Variants in TBX5 observed in about 807,000 individuals in gnomAD.
TBX5 encodes T-box transcription factor 5, also known as T-box transcription factor TBX5.
Under a neutral mutation model 51.1 loss-of-function variants are expected in TBX5, and 8 were observed. The observed-to-expected ratio is 0.16, with a 90% CI of 0.09 to 0.28. TBX5 has a LOEUF of 0.28. Among genes scored for constraint, TBX5 ranks in the 10% least tolerant of loss-of-function variants. The pLI, the probability that TBX5 is intolerant of heterozygous loss-of-function variation, is 1.00. For synonymous variants in TBX5, 302 were observed against 266.4 expected, an observed-to-expected ratio of 1.13 and a Z score of -1.30; for missense variants, 589 against 671.7, an observed-to-expected ratio of 0.88 and a Z score of 1.36.
At chr12:114,376,685 A>G (rs1363699732) in intron 7 of TBX5, among the ~76,000 whole-genome samples, 1 of 151,022 alleles carries the variant, frequency 6.6e-6, no homozygotes, top group African/African-American at 2.4e-5. Flanking sequence ...TATACACAAG[A>G]AAATAAAATG....
intron 6 of TBX5, among the ~76,000 whole-genome samples, chr12:114,394,356 T>C (rs1871306826): frequency 6.6e-6 from 1 of 151,998 alleles, no homozygotes; most frequent in African/African-American, 2.4e-5. Context: ...AGGAGAAAAC[T>C]GACCCCAGCA....
At chr12:114,404,057 A>T (rs1225400162) in intron 1 of TBX5, 121 bp from the exon 2 acceptor site, 21 of 1,021,418 alleles carry the variant, frequency 2.1e-5, no homozygotes, top group Non-Finnish European at 2.9e-5. Flanking sequence ...TCCAGCTACC[A>T]GCACCTCCGT....
chr12:114,406,381 C>G (rs1471381465), upstream of TBX5, among the ~76,000 whole-genome samples: 1 of 152,066 alleles, frequency 6.6e-6, no homozygotes, highest in Non-Finnish European at 1.5e-5. Flanking sequence ...AACTCCTGCA[C>G]AAATCATTTC....
At chr12:114,401,950 C>T in intron 2 of TBX5, 30 bp from the exon 3 acceptor site, 1 of 1,599,144 alleles carries the variant, frequency 6.3e-7, no homozygotes, top group Non-Finnish European at 8.6e-7. Context: ...GTCACACTAA[C>T]AAGCCCTGGC....
intron 2 of TBX5, among the ~76,000 whole-genome samples, chr12:114,403,184 C>T (rs1288205602): frequency 6.6e-6 from 1 of 152,246 alleles, no homozygotes; most frequent in African/African-American, 2.4e-5. Context: ...TGTGCGCTCC[C>T]AGCGGCCGGT....
At chr12:114,366,125 T>A in intron 8 of TBX5, 40 bp downstream of exon 8, 1 of 1,604,788 alleles carries the variant, frequency 6.2e-7, no homozygotes, top group South Asian at 1.1e-5. Context: ...AAGGAAAAGG[T>A]AAGAAAGAAA....
intron 7 of TBX5, among the ~76,000 whole-genome samples, chr12:114,381,476 T>C (rs1377224928): frequency 6.6e-6 from 1 of 152,102 alleles, no homozygotes; most frequent in African/African-American, 2.4e-5. Context: ...CCAAAATAAA[T>C]TCTGAACAAG....
intron 6 of TBX5, among the ~76,000 whole-genome samples, chr12:114,387,972 G>C (rs1870913499): frequency 6.6e-6 from 1 of 152,090 alleles, no homozygotes; most frequent in Admixed American, 6.5e-5. Flanking sequence ...GAGCAGCTGG[G>C]ACCACAGGCA....
In TBX5 at chr12:114,399,652, G is replaced by C. The variant is rs750683290; in HGVS notation, c.243-20C>G. ...ATCCGCCTAAGAGAGAGGGACGGAG[G>C]GAGAGAGGGGGGCGGGAATTAATGC... is the stretch of plus-strand genomic sequence containing the variant. On this transcript the variant is annotated intron_variant, in intron 3 of 8. Coordinates refer to ENST00000405440, the MANE Select transcript of TBX5 (RefSeq NM_181486.4). 6 of 1,613,924 alleles carry C rather than the reference G, an allele frequency of 3.7e-6. No individual in the cohort carries two copies. The African/African-American group carries it at 6.7e-5, about 18-fold the overall frequency.
intron 6 of TBX5, among the ~76,000 whole-genome samples, chr12:114,386,920 C>T (rs1340462204): frequency 6.8e-6 from 1 of 148,034 alleles, no homozygotes; most frequent in Non-Finnish European, 1.5e-5. Flanking sequence ...ATGGTAAAAC[C>T]CCATCTCTAC....
At chr12:114,373,009 C>T (rs936301608) in intron 7 of TBX5, among the ~76,000 whole-genome samples, 1 of 151,766 alleles carries the variant, frequency 6.6e-6, no homozygotes, top group Non-Finnish European at 1.5e-5. Context: ...CACACACACA[C>T]ACACACACAC....
chr12:114,382,977 CAAAAAAAA>C (rs34867756), intron 7 of TBX5, among the ~76,000 whole-genome samples: 1 of 92,976 alleles, frequency 1.1e-5, no homozygotes, highest in African/African-American at 4.2e-5. Context: ...ACCCTGTCTC[CAAAAAAAA>C]AAAAAAAAAA....
chr12:114,364,928 C>T (rs1946294), intron 8 of TBX5, among the ~76,000 whole-genome samples: 14,291 of 152,170 alleles, frequency 0.094, 879 homozygotes, highest in Middle Eastern at 0.15. Context: ...ATACCATCTA[C>T]AGCTCACACC....
chr12:114,402,036 CAG>C (rs1871850422), intron 2 of TBX5, 116 bp from the exon 3 acceptor site: 4 of 954,302 alleles, frequency 4.2e-6, no homozygotes, highest in Non-Finnish European at 6.6e-6. Context: ...CCTGTGGTCT[CAG>C]AGAGTAAAAA....
At chr12:114,393,569 G>A (rs1339483383) in intron 6 of TBX5, among the ~76,000 whole-genome samples, 1 of 152,108 alleles carries the variant, frequency 6.6e-6, no homozygotes, top group African/African-American at 2.4e-5. Context: ...ATCCTGACAA[G>A]TCGAGACAAA....
intron 6 of TBX5, among the ~76,000 whole-genome samples, chr12:114,390,196 A>C (rs1593871198): frequency 6.6e-6 from 1 of 152,238 alleles, no homozygotes; most frequent in East Asian, 1.9e-4. Context: ...TATATGACCT[A>C]AGAATTACCC....
chr12:114,403,511 T>C (rs951451562), intron 2 of TBX5, among the ~76,000 whole-genome samples: 1 of 152,232 alleles, frequency 6.6e-6, no homozygotes, highest in Non-Finnish European at 1.5e-5. Context: ...AAAAATCCTT[T>C]GGCCGTAAAG....
Position 114,401,817 on chromosome 12 carries a change from C to A in TBX5, c.242+9G>T, listed in dbSNP as rs186666277. On this transcript the variant is annotated intron_variant, in intron 3 of 8. Coordinates refer to ENST00000405440, the MANE Select transcript of TBX5 (RefSeq NM_181486.4). ...CTCGTCCCTCTCTCTACACAACAAA[C>A]CATCTCACCTTCCAGCCTTGGTTAT... 7.4e-6 allele frequency: 12 copies of A among 1,613,910 alleles called. No individual in the cohort carries two copies. In the Admixed American group the frequency reaches 1.8e-4, roughly 25 times the overall value.
intron 6 of TBX5, among the ~76,000 whole-genome samples, chr12:114,391,146 C>T (rs150251631): frequency 7.5e-4 from 114 of 152,278 alleles, no homozygotes; most frequent in African/African-American, 2.7e-3. Flanking sequence ...CCTTATTTTT[C>T]CAAATTGTCT....
Sources: allele counts gnomAD v4.1 joint callset (sites outside exome capture counted in the v4.1 genomes callset), GRCh38; gene constraint gnomAD v4.1.1; transcripts MANE v1.5; gene names NCBI Gene and HGNC (gene_info 2026-07-23, HGNC 2026-07-21).